The following PATJ variants were observed in gnomAD, a reference collection of about 807,000 sequenced individuals.
PATJ encodes inaD-like protein.
In PATJ, 190 loss-of-function variants were observed where a neutral mutation model predicts 224.9. That is an observed-to-expected ratio of 0.84 (90% CI 0.75 to 0.95). The LOEUF (loss-of-function observed/expected upper bound fraction) is 0.95, where lower values mean the gene tolerates loss of function less well. Ranked by LOEUF, PATJ falls within the 40% of genes least tolerant of loss-of-function variation. PATJ has a pLI of 0.00. For synonymous variants in PATJ, 769 were observed against 820.3 expected (o/e 0.94, Z 1.07); for missense variants, 2,121 against 2,270.3 (o/e 0.93, Z 1.34).
At chr1:62,061,436 C>G (rs1655418348) in intron 31 of PATJ, among the ~76,000 whole-genome samples, 1 of 152,152 alleles carries the variant, frequency 6.6e-6, no homozygotes, top group Admixed American at 6.5e-5. Flanking sequence ...CCCACCTCGG[C>G]ATCCCAAAGT....
chr1:61,863,180 G>A lies in PATJ; in HGVS notation c.2440-1058G>A, dbSNP rs146505596. Among the ~76,000 whole-genome samples the A allele has an allele frequency of 4.2e-3, 637 of 151,874 alleles. 8 individuals are homozygous for A. Among genetic ancestry groups the A allele is most frequent in the Admixed American group, 0.018 (273 of 15,232 alleles). On this transcript the variant is annotated intron_variant, in intron 19 of 43. Transcript: ENST00000642238. ...CTCCCAAGTAGCTGGCACCACAGGC[G>A]CATGCCACCATGCCTGGCTAATTTT...
chr1:62,054,338 G>A, intron 31 of PATJ: 1 of 441,944 alleles, frequency 2.3e-6, no homozygotes, highest in Non-Finnish European at 4.5e-6. Flanking sequence ...ACTCCAGCCT[G>A]GGTGACAGAG....
chr1:62,140,836 GAGTTCA>G (rs1033491994), intron 41 of PATJ, among the ~76,000 whole-genome samples: 1 of 151,808 alleles, frequency 6.6e-6, no homozygotes, highest in African/African-American at 2.4e-5. Context: ...TTGAGTCCAG[GAGTTCA>G]AGGCTGCAGT....
intron 22 of PATJ, among the ~76,000 whole-genome samples, chr1:61,891,932 C>A: frequency 1.3e-5 from 2 of 152,188 alleles, no homozygotes; most frequent in East Asian, 1.9e-4. Context: ...ATTTCTAATA[C>A]TGTAAATTAG....
At position 62,065,437 on chromosome 1, in the gene PATJ, C is replaced by T. The variant is rs535794299; in HGVS notation, c.4126-14013C>T. Reference sequence around the variant, plus strand: ...ACCAGCCTGGGCAACATAGCAAAACCCCTTCTCTACTAAAAATACAAAAAT... The same window carrying T: ...ACCAGCCTGGGCAACATAGCAAAACTCCTTCTCTACTAAAAATACAAAAAT... On this transcript the variant is annotated intron_variant, in intron 31 of 43. Transcript: ENST00000642238. Among the ~76,000 whole-genome samples, 3 of 152,180 alleles carry T rather than the reference C, an allele frequency of 2.0e-5. No homozygotes were observed. In the South Asian group the frequency reaches 6.2e-4, roughly 32 times the overall value.
At chr1:61,802,401 C>T (rs1329174794) in intron 12 of PATJ, among the ~76,000 whole-genome samples, 2 of 152,060 alleles carry the variant, frequency 1.3e-5, no homozygotes, top group African/African-American at 4.8e-5. Flanking sequence ...CCAATATCAA[C>T]ATTTAACATT....
At chr1:62,117,495 C>A in intron 37 of PATJ, 1 of 950,338 alleles carries the variant, frequency 1.1e-6, no homozygotes, top group Non-Finnish European at 1.3e-6. Context: ...ATGTACACAG[C>A]TGTGTTTATT....
At chr1:62,084,207 T>C (rs1462239865) in intron 32 of PATJ, among the ~76,000 whole-genome samples, 1 of 152,104 alleles carries the variant, frequency 6.6e-6, no homozygotes, top group Non-Finnish European at 1.5e-5. Flanking sequence ...TGAGCTGAGA[T>C]CGTACCATTG....
chr1:62,144,775 A>ATAT (rs1218856613), intron 41 of PATJ, among the ~76,000 whole-genome samples: 940 of 90,842 alleles, frequency 0.01, 29 homozygotes, highest in African/African-American at 0.035. Flanking sequence ...GCAAAAAAAA[A>ATAT]AAATATATAT....
intron 26 of PATJ, among the ~76,000 whole-genome samples, chr1:61,922,288 G>A (rs957374542): frequency 3.9e-5 from 6 of 151,988 alleles, no homozygotes; most frequent in African/African-American, 1.4e-4. Context: ...CAGGCGATCT[G>A]CCCGCCTCAG....
intron 27 of PATJ, among the ~76,000 whole-genome samples, chr1:61,969,556 A>T (rs183720098): frequency 6.6e-6 from 1 of 152,158 alleles, no homozygotes; most frequent in Non-Finnish European, 1.5e-5. Flanking sequence ...CCCGTTTTTA[A>T]ATCAGATTAT....
chr1:61,911,349 G>A (rs1376461660), intron 25 of PATJ, among the ~76,000 whole-genome samples: 1 of 152,196 alleles, frequency 6.6e-6, no homozygotes, highest in Non-Finnish European at 1.5e-5. Context: ...GAGTAGCTGG[G>A]ATTACAGGTG....
rs146065226 is a variant in PATJ at position 61,964,768 on chromosome 1, A to G, written c.3671-25400A>G. ...GTGCCACTGCAGTCTAGCCTGGGCA[A>G]CAGAGCAAGGCCTCAACTCTTAAAA... On this transcript the variant is annotated intron_variant, in intron 27 of 43. Coordinates refer to ENST00000642238, the MANE Select transcript of PATJ (RefSeq NM_001350145.3). 1.1e-4 allele frequency among the ~76,000 whole-genome samples: 16 copies of G among 152,160 alleles called. No homozygotes were observed. In the East Asian group the frequency reaches 3.1e-3, roughly 30 times the overall value.
intron 21 of PATJ, among the ~76,000 whole-genome samples, chr1:61,883,876 TTA>T (rs759218357): frequency 0.053 from 6,958 of 131,802 alleles, 188 homozygotes; most frequent in Non-Finnish European, 0.062. Flanking sequence ...TTTTTTTTTT[TTA>T]AATCAGTGAA....
At chr1:62,027,991 G>A (rs890043156) in intron 29 of PATJ, among the ~76,000 whole-genome samples, 2 of 151,946 alleles carry the variant, frequency 1.3e-5, no homozygotes, top group Non-Finnish European at 2.9e-5. Flanking sequence ...TTATTTTGAT[G>A]TCCAATTTAT....
At chr1:62,037,948 C>T in intron 29 of PATJ, 29 bp from the exon 30 acceptor site, 1 of 1,527,068 alleles carries the variant, frequency 6.5e-7, no homozygotes, top group Non-Finnish European at 9.0e-7. Context: ...TTACTGTGTA[C>T]TGATTCTGCC....
intron 9 of PATJ, among the ~76,000 whole-genome samples, chr1:61,793,101 C>T (rs1304674110): frequency 6.6e-6 from 1 of 151,842 alleles, no homozygotes; most frequent in Non-Finnish European, 1.5e-5. Flanking sequence ...GAGATGGAGT[C>T]TCGCTCTGTC....
chr1:62,071,859 C>A (rs1657479886), intron 31 of PATJ, among the ~76,000 whole-genome samples: 1 of 152,124 alleles, frequency 6.6e-6, no homozygotes, highest in African/African-American at 2.4e-5. Flanking sequence ...TACAAGTTAT[C>A]CCTACCTTCC....
At chr1:62,063,433 T>A (rs1315371011) in intron 31 of PATJ, among the ~76,000 whole-genome samples, 1 of 152,134 alleles carries the variant, frequency 6.6e-6, no homozygotes, top group Non-Finnish European at 1.5e-5. Flanking sequence ...TGAAGTCAGA[T>A]AATGAGATGC....
Sources: gnomAD v4.1 joint callset for allele counts (sites outside exome capture counted in the v4.1 genomes callset) on GRCh38, gnomAD v4.1.1 for gene constraint, MANE v1.5 for transcripts, NCBI Gene and HGNC (gene_info 2026-07-23, HGNC 2026-07-21) for gene names.